KCNH5: variants seen among roughly 807,000 people sequenced by gnomAD.
KCNH5 encodes the protein potassium voltage-gated channel subfamily H member 5.
In KCNH5, 46 loss-of-function variants were observed where a neutral mutation model predicts 96.1. That is an observed-to-expected ratio of 0.48 (90% CI 0.38 to 0.61). The LOEUF (loss-of-function observed/expected upper bound fraction) is 0.61. KCNH5 is among the 20% of genes least tolerant of loss of function. KCNH5 has a pLI of 0.00. For missense variants in KCNH5, 907 were observed against 1,225.8 expected (o/e 0.74, Z 3.88); for synonymous variants, 439 against 449.8 (o/e 0.98, Z 0.30).
intron 10 of KCNH5, among the ~76,000 whole-genome samples, chr14:62,727,765 T>C (rs1268475667): frequency 1.4e-5 from 2 of 145,492 alleles, no homozygotes; most frequent in Non-Finnish European, 3.0e-5. Flanking sequence ...CGACACTGCT[T>C]ACAGTCTGGT....
intron 1 of KCNH5, among the ~76,000 whole-genome samples, chr14:63,040,373 A>G (rs1313443242): frequency 6.6e-6 from 1 of 152,140 alleles, no homozygotes; most frequent in Non-Finnish European, 1.5e-5. Context: ...TGCATTCATT[A>G]TATAACACAG....
intron 1 of KCNH5, among the ~76,000 whole-genome samples, chr14:63,026,737 C>A (rs1026072642): frequency 1.4e-4 from 21 of 151,960 alleles, no homozygotes; most frequent in Admixed American, 1.4e-3. Context: ...AATGGGAACT[C>A]TTCTACACTG....
intron 7 of KCNH5, among the ~76,000 whole-genome samples, chr14:62,859,559 A>T (rs140682979): frequency 1.3e-5 from 2 of 152,224 alleles, no homozygotes; most frequent in African/African-American, 4.8e-5. Context: ...CTCTTCCCCA[A>T]ATTTCTTTGT....
At chr14:62,933,011 A>G (rs1321725641) in intron 7 of KCNH5, among the ~76,000 whole-genome samples, 2 of 152,134 alleles carry the variant, frequency 1.3e-5, no homozygotes, top group East Asian at 1.9e-4. Context: ...TATAGGAAAC[A>G]ATGGGTCCAC....
intron 1 of KCNH5, among the ~76,000 whole-genome samples, chr14:63,042,119 ATCTC>A (rs150106722): frequency 6.7e-6 from 1 of 149,286 alleles, no homozygotes; most frequent in Non-Finnish European, 1.5e-5. Context: ...ATGTCCCATA[ATCTC>A]TCTCTCTCTC....
At chr14:62,717,867 G>C (rs1235722104) in intron 10 of KCNH5, among the ~76,000 whole-genome samples, 1 of 152,172 alleles carries the variant, frequency 6.6e-6, no homozygotes, top group Non-Finnish European at 1.5e-5. Flanking sequence ...CAGAATTAGA[G>C]AAAATGTTTG....
chr14:62,778,357 A>G (rs2016794), intron 10 of KCNH5, among the ~76,000 whole-genome samples: 94,704 of 152,024 alleles, frequency 0.62, 29,756 homozygotes, highest in South Asian at 0.83. Flanking sequence ...AAAAATTGGC[A>G]TGTAAGTGGA....
At chr14:62,945,932 G>A (rs1298181851) in intron 7 of KCNH5, among the ~76,000 whole-genome samples, 1 of 152,078 alleles carries the variant, frequency 6.6e-6, no homozygotes, top group Non-Finnish European at 1.5e-5. Flanking sequence ...GGAAGGCCTT[G>A]AAAGATGAGC....
intron 6 of KCNH5, among the ~76,000 whole-genome samples, chr14:62,972,111 A>G (rs1890419945): frequency 6.6e-6 from 1 of 152,200 alleles, no homozygotes; most frequent in African/African-American, 2.4e-5. Flanking sequence ...CATCTAATAA[A>G]GTACTATCAT....
chr14:62,724,417 C>T (rs571611445), intron 10 of KCNH5, among the ~76,000 whole-genome samples: 1 of 152,168 alleles, frequency 6.6e-6, no homozygotes, highest in South Asian at 2.1e-4. Context: ...GTACCTGAAG[C>T]TTCAAAAGAA....
At chr14:63,043,477 G>C (rs1891864203) in intron 1 of KCNH5, among the ~76,000 whole-genome samples, 1 of 151,984 alleles carries the variant, frequency 6.6e-6, no homozygotes, top group Non-Finnish European at 1.5e-5. Flanking sequence ...TTGTATTATA[G>C]GTTTAGTATA....
chr14:63,000,412 A>C (rs1432542700), intron 4 of KCNH5, among the ~76,000 whole-genome samples: 1 of 152,210 alleles, frequency 6.6e-6, no homozygotes, highest in Non-Finnish European at 1.5e-5. Context: ...ATTGGGAATA[A>C]ATTACATAGA....
At chr14:62,907,286 T>TA (rs938778651) in intron 7 of KCNH5, among the ~76,000 whole-genome samples, 3 of 152,186 alleles carry the variant, frequency 2.0e-5, no homozygotes, top group African/African-American at 7.2e-5. Flanking sequence ...GACCCAGTCA[T>TA]ACCTTGAGTG....
At chr14:62,918,490 T>C (rs1391630322) in intron 7 of KCNH5, among the ~76,000 whole-genome samples, 3 of 152,098 alleles carry the variant, frequency 2.0e-5, no homozygotes, top group Non-Finnish European at 4.4e-5. Flanking sequence ...AACGAAAGGC[T>C]TATATCGCTA....
At position 62,743,287 on chromosome 14, in the gene KCNH5, T is replaced by C. The variant is rs149809673; in HGVS notation, c.2020-34832A>G. Among the ~76,000 whole-genome samples the C allele has an allele frequency of 7.8e-4, 118 of 152,238 alleles. No homozygotes were observed. In the Middle Eastern group the frequency reaches 0.01, roughly 13 times the overall value. On this transcript the variant is annotated intron_variant, in intron 10 of 10. Coordinates refer to ENST00000322893, the MANE Select transcript of KCNH5 (RefSeq NM_139318.5). ...TAGTTTGGGACAGGGTATATAGATA[T>C]CTCTTTTTCTAAGTTCCCTGGGTAA...
At chr14:62,802,167 TGC>T (rs1886675200) in intron 9 of KCNH5, among the ~76,000 whole-genome samples, 160 bp downstream of exon 9, 1 of 152,252 alleles carries the variant, frequency 6.6e-6, no homozygotes, top group South Asian at 2.1e-4. Flanking sequence ...TAATGTTCTC[TGC>T]TGAAATAGCA....
chr14:62,707,470 A>G lies in KCNH5; in HGVS notation c.*38T>C, dbSNP rs1022456290. Reference sequence around the variant, plus strand: ...ACTGTATATACACACATATGTATATACTGTTTTAATATATTAACAAATATA... The same window carrying G: ...ACTGTATATACACACATATGTATATGCTGTTTTAATATATTAACAAATATA... On this transcript the variant is annotated 3_prime_UTR_variant, in exon 11 of 11. Transcript: ENST00000322893. The G allele has an allele frequency of 2.8e-6, 3 of 1,062,512 alleles. No homozygotes were observed. Among genetic ancestry groups the G allele is most frequent in the Admixed American group, 3.2e-5 (1 of 30,886 alleles). The allele number at this position is 1,062,512 out of a possible 1,614,324, so 65.8% of individuals were successfully genotyped here.
intron 1 of KCNH5, among the ~76,000 whole-genome samples, chr14:63,027,522 T>C (rs767573990): frequency 2.2e-4 from 33 of 151,470 alleles, no homozygotes; most frequent in Middle Eastern, 3.4e-3. Flanking sequence ...TGATTGACTA[T>C]GTGAGCAAAT....
At chr14:62,989,459 G>A (rs980293699) in intron 4 of KCNH5, among the ~76,000 whole-genome samples, 4 of 151,970 alleles carry the variant, frequency 2.6e-5, no homozygotes, top group Admixed American at 6.6e-5. Flanking sequence ...TTGTGTTTCC[G>A]TATTTTCACA....
Sources: gnomAD v4.1 joint callset for allele counts (sites outside exome capture counted in the v4.1 genomes callset) on GRCh38, gnomAD v4.1.1 for gene constraint, MANE v1.5 for transcripts, NCBI Gene and HGNC (gene_info 2026-07-23, HGNC 2026-07-21) for gene names.